RELN: variants seen among roughly 807,000 people sequenced by gnomAD.
RELN encodes the protein reelin.
In RELN, 108 loss-of-function variants were observed where a neutral mutation model predicts 427.6. The ratio of observed to expected loss-of-function variants is 0.25; its 90% CI spans 0.22 to 0.30. The LOEUF (loss-of-function observed/expected upper bound fraction) is 0.30. Ranked by LOEUF, RELN falls within the 10% of genes least tolerant of loss-of-function variation. The pLI is 1.00. For missense variants in RELN, 3,715 were observed against 4,302.8 expected, an observed-to-expected ratio of 0.86 and a Z score of 3.82; for synonymous variants, 1,524 against 1,513.4, an observed-to-expected ratio of 1.01 and a Z score of -0.16.
At chr7:103,600,716 G>C (rs1831645867) in intron 24 of RELN, among the ~76,000 whole-genome samples, 2 of 152,108 alleles carry the variant, frequency 1.3e-5, no homozygotes, top group Admixed American at 1.3e-4. Context: ...ATATAACCCA[G>C]GGATATTTTG....
At chr7:103,528,484 G>GGT (rs1554371685) in intron 46 of RELN, among the ~76,000 whole-genome samples, 16 of 148,788 alleles carry the variant, frequency 1.1e-4, no homozygotes, top group Admixed American at 2.0e-4. Flanking sequence ...AACCCTGTGG[G>GGT]TTTTTTTTTT....
chr7:103,810,870 T>C (rs187662160), intron 3 of RELN, among the ~76,000 whole-genome samples: 15 of 152,314 alleles, frequency 9.8e-5, no homozygotes, highest in Non-Finnish European at 4.4e-5. Context: ...AGTTGTTTGC[T>C]TCCAAACAAG....
intron 1 of RELN, among the ~76,000 whole-genome samples, chr7:103,930,758 G>A (rs1031318075): frequency 4.4e-4 from 67 of 152,136 alleles, no homozygotes; most frequent in African/African-American, 1.3e-3. Context: ...ATGAGCCACC[G>A]TGCCCAGCCC....
chr7:103,727,385 C>T (rs1160466106), intron 7 of RELN, among the ~76,000 whole-genome samples: 1 of 151,996 alleles, frequency 6.6e-6, no homozygotes, highest in Admixed American at 6.6e-5. Flanking sequence ...ATAACAATTG[C>T]TTTTATATTA....
intron 1 of RELN, among the ~76,000 whole-genome samples, chr7:103,919,218 C>T (rs114365308): frequency 6.7e-6 from 1 of 148,472 alleles, no homozygotes; most frequent in African/African-American, 2.5e-5. Flanking sequence ...TTCTGGTTAC[C>T]AGGCTTCCAC....
intron 13 of RELN, 29 bp downstream of exon 13, chr7:103,654,064 C>A (rs1394062596): frequency 2.3e-6 from 3 of 1,315,164 alleles, no homozygotes; most frequent in South Asian, 2.4e-5. Context: ...CTGAGGTGGT[C>A]TATTTGCCAC....
At chr7:103,954,916 A>C (rs722278) in intron 1 of RELN, among the ~76,000 whole-genome samples, 68,309 of 152,066 alleles carry the variant, frequency 0.45, 15,818 homozygotes, top group African/African-American at 0.48. Context: ...AGAAAATACA[A>C]TTAGCAAGAC....
At chr7:103,630,319 A>G (rs1259111415) in intron 19 of RELN, 143 bp from the exon 20 acceptor site, 6 of 648,734 alleles carry the variant, frequency 9.2e-6, no homozygotes, top group African/African-American at 9.1e-5. Context: ...TGAGATGTCC[A>G]GTTTCCTGTC....
intron 3 of RELN, among the ~76,000 whole-genome samples, chr7:103,796,068 A>G (rs1196323483): frequency 6.6e-6 from 1 of 152,198 alleles, no homozygotes; most frequent in Non-Finnish European, 1.5e-5. Flanking sequence ...CTATTTCAAT[A>G]TGGAAATCAT....
chr7:103,716,214 C>G (rs527567451), intron 8 of RELN, among the ~76,000 whole-genome samples: 2 of 152,168 alleles, frequency 1.3e-5, no homozygotes, highest in Non-Finnish European at 2.9e-5. Flanking sequence ...CCCTCCAGCC[C>G]TCCCTCTTTC....
intron 12 of RELN, among the ~76,000 whole-genome samples, chr7:103,655,818 G>A (rs536541476): frequency 9.9e-5 from 15 of 152,210 alleles, no homozygotes; most frequent in African/African-American, 3.6e-4. Flanking sequence ...CAGTGGAACA[G>A]GATGCATCAG....
At chr7:103,816,829 G>A (rs1363207440) in intron 3 of RELN, among the ~76,000 whole-genome samples, 4 of 151,890 alleles carry the variant, frequency 2.6e-5, no homozygotes, top group African/African-American at 9.7e-5. Flanking sequence ...TTGCAAAACA[G>A]CTCAGATTAT....
chr7:103,490,146 A>G (rs1006103436), intron 59 of RELN, among the ~76,000 whole-genome samples: 7 of 152,354 alleles, frequency 4.6e-5, no homozygotes, highest in African/African-American at 1.2e-4. Flanking sequence ...ATTCTAGTCC[A>G]TAATAAATCT....
Position 103,601,298 on chromosome 7 carries a change from A to G in RELN, c.3333+2006T>C, listed in dbSNP as rs145162414. Among the ~76,000 whole-genome samples, 115 of 152,324 alleles carry G rather than the reference A, an allele frequency of 7.5e-4. No homozygotes were observed. The South Asian group carries it at 0.012, about 15-fold the overall frequency. On this transcript the variant is annotated intron_variant, in intron 24 of 64. Coordinates refer to ENST00000428762, the MANE Select transcript of RELN (RefSeq NM_005045.4). ...AACTGAGCGACTATTATCTTTAACA[A>G]TAATCATCAGGGGAGGACCTTCCAT... is the stretch of plus-strand genomic sequence containing the variant.
At chr7:103,581,689 C>T (rs1292755164) in intron 28 of RELN, among the ~76,000 whole-genome samples, 1 of 152,024 alleles carries the variant, frequency 6.6e-6, no homozygotes, top group Non-Finnish European at 1.5e-5. Context: ...TCTTTTTAGC[C>T]ACCATTTAAA....
At chr7:103,890,779 G>C (rs1455205392) in intron 2 of RELN, among the ~76,000 whole-genome samples, 5 of 152,106 alleles carry the variant, frequency 3.3e-5, no homozygotes, top group Non-Finnish European at 7.4e-5. Context: ...AGCAGCAATT[G>C]AAAGTGGAAT....
chr7:103,881,711 T>C (rs1794611047), intron 2 of RELN, among the ~76,000 whole-genome samples: 1 of 152,130 alleles, frequency 6.6e-6, no homozygotes, highest in African/African-American at 2.4e-5. Context: ...AGTGAAAAAG[T>C]AACGTCATCT....
intron 3 of RELN, among the ~76,000 whole-genome samples, chr7:103,806,620 C>A (rs961499008): frequency 6.6e-6 from 1 of 152,116 alleles, no homozygotes; most frequent in Non-Finnish European, 1.5e-5. Context: ...CCACCATGCC[C>A]GGCCATAAGC....
At chr7:103,612,867 A>G (rs367579179) in intron 20 of RELN, among the ~76,000 whole-genome samples, 1 of 152,222 alleles carries the variant, frequency 6.6e-6, no homozygotes, top group Non-Finnish European at 1.5e-5. Context: ...AATTTATCAT[A>G]GAAGATTAAA....
Sources: allele counts gnomAD v4.1 joint callset (sites outside exome capture counted in the v4.1 genomes callset), GRCh38; gene constraint gnomAD v4.1.1; transcripts MANE v1.5; gene names NCBI Gene and HGNC (gene_info 2026-07-23, HGNC 2026-07-21).